The following DAB1 variants were observed in gnomAD, a reference collection of about 807,000 sequenced individuals.
The protein encoded by DAB1 is DAB adaptor protein 1, also known as disabled homolog 1.
In DAB1, 15 loss-of-function variants were observed where a neutral mutation model predicts 64.6. The observed-to-expected ratio is 0.23, with a 90% confidence interval of 0.16 to 0.36. The LOEUF (loss-of-function observed/expected upper bound fraction) is 0.36. Among genes scored for constraint, DAB1 ranks in the 10% least tolerant of loss-of-function variants. DAB1 has a pLI of 1.00. For missense variants in DAB1, 596 were observed against 706.7 expected, an observed-to-expected ratio of 0.84 and a Z score of 1.78; for synonymous variants, 235 against 251.9, an observed-to-expected ratio of 0.93 and a Z score of 0.64.
chr1:57,047,085 G>T (rs930368408), intron 9 of DAB1, among the ~76,000 whole-genome samples: 1 of 152,186 alleles, frequency 6.6e-6, no homozygotes, highest in African/African-American at 2.4e-5. Context: ...TAGGTCACCT[G>T]GTTGTAGGGT....
chr1:57,980,872 A>ACT (rs137956928), intron 5 of DAB1, among the ~76,000 whole-genome samples: 7 of 148,784 alleles, frequency 4.7e-5, no homozygotes, highest in Admixed American at 6.7e-5. Context: ...GTAAAAAGTA[A>ACT]CTCTCTCTCT....
At chr1:57,478,379 G>T (rs544932866) in intron 7 of DAB1, among the ~76,000 whole-genome samples, 119 of 152,144 alleles carry the variant, frequency 7.8e-4, no homozygotes, top group Middle Eastern at 3.4e-3. Context: ...GCTGTCAAAG[G>T]CTACTTTGTT....
intron 4 of DAB1, among the ~76,000 whole-genome samples, chr1:58,240,013 C>T (rs991900789): frequency 2.6e-5 from 4 of 152,162 alleles, no homozygotes; most frequent in African/African-American, 9.7e-5. Context: ...ACACTCCACA[C>T]AACAGTAGGA....
upstream of DAB1, among the ~76,000 whole-genome samples, chr1:57,425,875 A>T (rs1035509086): frequency 6.6e-6 from 1 of 152,186 alleles, no homozygotes; most frequent in Non-Finnish European, 1.5e-5. Flanking sequence ...ATGCTTCTAC[A>T]CTGTGTAGGA....
rs185652986 is a variant in DAB1 at position 57,116,281 on chromosome 1, G to T, written c.306+20262C>A. Reference sequence around the variant, plus strand: ...GTTCGAGACCAGCCTGACCAACATGGTGAAACCCCATCTCTACTAAAAATA... The same window carrying T: ...GTTCGAGACCAGCCTGACCAACATGTTGAAACCCCATCTCTACTAAAAATA... On this transcript the variant is annotated intron_variant, in intron 4 of 14. Transcript: ENST00000371236. Among the ~76,000 whole-genome samples the T allele has an allele frequency of 3.4e-4, 52 of 151,830 alleles. No individual in the cohort carries two copies. The East Asian group carries it at 8.4e-3, about 24-fold the overall frequency.
intron 4 of DAB1, among the ~76,000 whole-genome samples, chr1:58,309,903 T>TA (rs1283430580): frequency 6.6e-6 from 1 of 152,184 alleles, no homozygotes; most frequent in African/African-American, 2.4e-5. Flanking sequence ...TGGAGACTAA[T>TA]AAAATAAGCA....
chr1:57,157,075 G>A (rs968212786), intron 2 of DAB1, among the ~76,000 whole-genome samples: 1 of 152,130 alleles, frequency 6.6e-6, no homozygotes, highest in African/African-American at 2.4e-5. Flanking sequence ...CACTGGAGTC[G>A]TAAATGGCCT....
At chr1:58,338,737 TAAAAGGTGGAAACA>T (rs1175839751) in intron 4 of DAB1, among the ~76,000 whole-genome samples, 1 of 152,070 alleles carries the variant, frequency 6.6e-6, no homozygotes, top group Non-Finnish European at 1.5e-5. Context: ...TCACAAGAGC[TAAAAGGTGGAAACA>T]ACCCAAATGT....
At chr1:58,451,182 T>C (rs548340691) in intron 3 of DAB1, among the ~76,000 whole-genome samples, 1 of 152,320 alleles carries the variant, frequency 6.6e-6, no homozygotes, top group Admixed American at 6.5e-5. Context: ...CTCAGCCTCC[T>C]AGACTCAAGC....
At chr1:58,534,262 G>A in intron 1 of DAB1, 1 of 871,336 alleles carries the variant, frequency 1.1e-6, no homozygotes, top group East Asian at 2.4e-5. Flanking sequence ...AGATGACAAA[G>A]CACTTCTTTA....
At chr1:57,357,768 G>C (rs978150996) in intron 1 of DAB1, among the ~76,000 whole-genome samples, 6 of 151,884 alleles carry the variant, frequency 4.0e-5, no homozygotes, top group African/African-American at 1.5e-4. Context: ...AGAGAGAAAT[G>C]CCAAGCAAAA....
At chr1:58,384,092 T>G (rs959994686) in intron 3 of DAB1, among the ~76,000 whole-genome samples, 3 of 152,120 alleles carry the variant, frequency 2.0e-5, no homozygotes, top group African/African-American at 7.2e-5. Context: ...GAAACTGATG[T>G]GGAATAATAT....
At chr1:57,245,416 T>A (rs1668791469) in intron 2 of DAB1, among the ~76,000 whole-genome samples, 1 of 152,170 alleles carries the variant, frequency 6.6e-6, no homozygotes, top group African/African-American at 2.4e-5. Flanking sequence ...TTTCTCCTAA[T>A]GCTATCCCTC....
intron 7 of DAB1, among the ~76,000 whole-genome samples, chr1:57,588,713 G>A (rs1309032013): frequency 6.6e-6 from 1 of 152,162 alleles, no homozygotes; most frequent in Non-Finnish European, 1.5e-5. Context: ...TAGCTCATGT[G>A]TAATTTAAAC....
intron 7 of DAB1, among the ~76,000 whole-genome samples, chr1:57,619,406 T>A (rs1356723206): frequency 6.6e-6 from 1 of 152,160 alleles, no homozygotes; most frequent in Non-Finnish European, 1.5e-5. Context: ...CATCTATTTA[T>A]TTTTTATTTT....
intron 2 of DAB1, among the ~76,000 whole-genome samples, chr1:58,514,160 T>G (rs1293345254): frequency 6.6e-6 from 1 of 152,272 alleles, no homozygotes; most frequent in Non-Finnish European, 1.5e-5. Flanking sequence ...AGTGATGATG[T>G]CATGAATTTA....
At chr1:57,049,177 C>A (rs779719594) in intron 9 of DAB1, among the ~76,000 whole-genome samples, 2 of 152,002 alleles carry the variant, frequency 1.3e-5, no homozygotes, top group Non-Finnish European at 2.9e-5. Context: ...GGCTGATGTA[C>A]AAACAGTCTT....
At chr1:58,146,261 C>T (rs1033789570) in intron 5 of DAB1, among the ~76,000 whole-genome samples, 11 of 152,088 alleles carry the variant, frequency 7.2e-5, no homozygotes, top group African/African-American at 2.7e-4. Flanking sequence ...TCATGTTGTT[C>T]AAGGGTCGAC....
At chr1:57,041,959 ACTC>A (rs1487776642) in intron 9 of DAB1, among the ~76,000 whole-genome samples, 1 of 151,896 alleles carries the variant, frequency 6.6e-6, no homozygotes, top group Non-Finnish European at 1.5e-5. Context: ...CAACTTCCCA[ACTC>A]CTGTTCTAGT....
Sources: gnomAD v4.1 joint callset for allele counts (sites outside exome capture counted in the v4.1 genomes callset) on GRCh38, gnomAD v4.1.1 for gene constraint, MANE v1.5 for transcripts, NCBI Gene and HGNC (gene_info 2026-07-23, HGNC 2026-07-21) for gene names.